KIFAP3: variants seen among roughly 807,000 people sequenced by gnomAD.
KIFAP3 encodes the protein kinesin associated protein 3.
Under a neutral mutation model 106.5 loss-of-function variants are expected in KIFAP3, and 68 were observed. The observed-to-expected ratio is 0.64, with a 90% CI of 0.53 to 0.78. The LOEUF (loss-of-function observed/expected upper bound fraction) is 0.78, where lower values mean the gene tolerates loss of function less well. Ranked by LOEUF, KIFAP3 falls within the 30% of genes least tolerant of loss-of-function variation. The probability of loss-of-function intolerance (pLI) is 0.00; values close to 1 mark genes in which losing one functional copy is unlikely to be tolerated. For synonymous variants in KIFAP3, 320 were observed against 311.5 expected (o/e 1.03, Z -0.29); for missense variants, 780 against 941.8 (o/e 0.83, Z 2.25).
chr1:170,040,023 T>TAGGAAA (rs1669892365), intron 3 of KIFAP3, among the ~76,000 whole-genome samples: 1 of 152,142 alleles, frequency 6.6e-6, no homozygotes, highest in African/African-American at 2.4e-5. Context: ...GTTAGAATGT[T>TAGGAAA]ATCAAAATTT....
intron 4 of KIFAP3, 75 bp from the exon 5 acceptor site, chr1:170,038,506 T>A: frequency 7.1e-7 from 1 of 1,411,464 alleles, no homozygotes; most frequent in Admixed American, 2.2e-5. Flanking sequence ...TATTTTGTGA[T>A]CAATATACTG....
intron 19 of KIFAP3, among the ~76,000 whole-genome samples, chr1:169,936,815 C>G (rs1400723718): frequency 6.6e-6 from 1 of 151,484 alleles, no homozygotes; most frequent in South Asian, 2.1e-4. Context: ...ATTCTGTTTC[C>G]TCTTAAAATT....
intron 10 of KIFAP3, among the ~76,000 whole-genome samples, chr1:169,999,369 C>T (rs1667547730): frequency 6.6e-6 from 1 of 152,126 alleles, no homozygotes; most frequent in Non-Finnish European, 1.5e-5. Flanking sequence ...CAAAAAGGCT[C>T]CTTTAAGACA....
intron 10 of KIFAP3, among the ~76,000 whole-genome samples, chr1:169,993,121 T>C (rs936801050): frequency 5.3e-5 from 8 of 150,562 alleles, no homozygotes; most frequent in African/African-American, 1.5e-4. Flanking sequence ...TTTTTTTTTT[T>C]TTCAGAGACA....
At chr1:169,946,294 T>C (rs933550425) in intron 19 of KIFAP3, among the ~76,000 whole-genome samples, 9 of 152,196 alleles carry the variant, frequency 5.9e-5, no homozygotes, top group African/African-American at 1.9e-4. Flanking sequence ...AATTACTTAA[T>C]GTATTAATAA....
chr1:170,000,657 G>A (rs149116464), intron 10 of KIFAP3, among the ~76,000 whole-genome samples: 1 of 152,040 alleles, frequency 6.6e-6, no homozygotes, highest in Non-Finnish European at 1.5e-5. Context: ...TAACTTATTA[G>A]AGCATATACT....
At chr1:170,031,584 T>G (rs1051451850) in intron 8 of KIFAP3, among the ~76,000 whole-genome samples, 1 of 151,668 alleles carries the variant, frequency 6.6e-6, no homozygotes, top group South Asian at 2.1e-4. Context: ...ATAAAACAAG[T>G]AAGTTAGGGC....
intron 16 of KIFAP3, among the ~76,000 whole-genome samples, chr1:169,974,219 CT>C (rs1207507169): frequency 6.6e-6 from 1 of 151,802 alleles, no homozygotes; most frequent in Non-Finnish European, 1.5e-5. Context: ...CTTGGTGAAT[CT>C]AAAAGAGGAA....
intron 8 of KIFAP3, among the ~76,000 whole-genome samples, chr1:170,028,106 C>T (rs1398525921): frequency 1.3e-5 from 2 of 151,794 alleles, no homozygotes; most frequent in East Asian, 3.9e-4. Context: ...TTTAGACACA[C>T]AAAAGATAAT....
At chr1:169,948,481 A>T (rs1363416380) in intron 19 of KIFAP3, among the ~76,000 whole-genome samples, 4 of 151,742 alleles carry the variant, frequency 2.6e-5, no homozygotes, top group Non-Finnish European at 5.9e-5. Flanking sequence ...TGATTATTTT[A>T]AAAAGATTTT....
chr1:169,989,524 G>T (rs1013641905), intron 11 of KIFAP3, among the ~76,000 whole-genome samples: 2 of 152,120 alleles, frequency 1.3e-5, no homozygotes, highest in Non-Finnish European at 2.9e-5. Context: ...TATGGAGTGA[G>T]ACTGTAGTAA....
chr1:169,972,064 T>C (rs1378446636), intron 17 of KIFAP3, among the ~76,000 whole-genome samples: 1 of 152,088 alleles, frequency 6.6e-6, no homozygotes, highest in East Asian at 1.9e-4. Flanking sequence ...ATTTTTGTAT[T>C]TCCCATCATT....
chr1:170,026,406 C>T (rs1669105539), intron 8 of KIFAP3, among the ~76,000 whole-genome samples: 1 of 152,136 alleles, frequency 6.6e-6, no homozygotes, highest in Non-Finnish European at 1.5e-5. Flanking sequence ...GGACACCAGA[C>T]AATGAAGGAC....
chr1:170,007,757 G>GA (rs879689486), intron 10 of KIFAP3, among the ~76,000 whole-genome samples: 20 of 151,902 alleles, frequency 1.3e-4, no homozygotes, highest in Non-Finnish European at 2.5e-4. Flanking sequence ...CACAGAATTA[G>GA]AAAAAAACTA....
At chr1:170,020,924 A>C (rs1243073049) in intron 9 of KIFAP3, among the ~76,000 whole-genome samples, 2 of 152,206 alleles carry the variant, frequency 1.3e-5, no homozygotes, top group Non-Finnish European at 2.9e-5. Context: ...ATCTTTGTGA[A>C]CTTGGGTTAG....
chr1:169,923,693 G>A (rs1662951341), intron 19 of KIFAP3, among the ~76,000 whole-genome samples: 1 of 152,184 alleles, frequency 6.6e-6, no homozygotes, highest in Admixed American at 6.5e-5. Context: ...GGGACAGTGA[G>A]GAAACATGCA....
intron 10 of KIFAP3, among the ~76,000 whole-genome samples, chr1:169,996,781 TGGGACTCATG>T (rs372049939): frequency 0.011 from 1,712 of 152,252 alleles, 15 homozygotes; most frequent in South Asian, 0.016. Context: ...CTGCTGGACC[TGGGACTCATG>T]GGGAAAAGGG....
At chr1:169,974,695 A>T (rs1469109674) in intron 16 of KIFAP3, among the ~76,000 whole-genome samples, 1 of 151,852 alleles carries the variant, frequency 6.6e-6, no homozygotes, top group Non-Finnish European at 1.5e-5. Context: ...CATATTCACC[A>T]TAGTACCCCA....
At chr1:169,991,270 C>T (rs1667088898) in intron 11 of KIFAP3, among the ~76,000 whole-genome samples, 1 of 151,786 alleles carries the variant, frequency 6.6e-6, no homozygotes, top group African/African-American at 2.4e-5. Flanking sequence ...TTGCTTGAGC[C>T]TAGGTATGAA....
Sources: allele counts gnomAD v4.1 joint callset (sites outside exome capture counted in the v4.1 genomes callset), GRCh38; gene constraint gnomAD v4.1.1; transcripts MANE v1.5; gene names NCBI Gene and HGNC (gene_info 2026-07-23, HGNC 2026-07-21).